Variants in PDZD2 observed in about 807,000 individuals in gnomAD.
PDZD2 encodes the protein PDZ domain containing 2, also known as PDZ domain-containing protein 2.
Under a neutral mutation model 220.7 loss-of-function variants are expected in PDZD2, and 90 were observed. The ratio of observed to expected loss-of-function variants is 0.41; its 90% CI spans 0.34 to 0.49. The LOEUF is 0.49. Ranked by LOEUF, PDZD2 falls within the 20% of genes least tolerant of loss-of-function variation. The pLI is 0.28. For synonymous variants in PDZD2, 1,375 were observed against 1,450.5 expected (o/e 0.95, Z 1.18); for missense variants, 3,174 against 3,608.5 (o/e 0.88, Z 3.08).
intron 20 of PDZD2, among the ~76,000 whole-genome samples, chr5:32,091,378 G>A (rs1743146880): frequency 2.1e-5 from 3 of 146,178 alleles, no homozygotes; most frequent in East Asian, 2.0e-4. Context: ...TCTGCCTCCC[G>A]GGTTCAAGCG....
At chr5:31,988,788 G>A (rs1311022253) in intron 3 of PDZD2, among the ~76,000 whole-genome samples, 1 of 152,130 alleles carries the variant, frequency 6.6e-6, no homozygotes, top group Non-Finnish European at 1.5e-5. Flanking sequence ...GAGCCTTTGC[G>A]AGTGCTCCGC....
At chr5:31,902,429 G>A (rs896912401) in intron 2 of PDZD2, among the ~76,000 whole-genome samples, 1 of 150,456 alleles carries the variant, frequency 6.6e-6, no homozygotes. Context: ...CTGTTACTCA[G>A]TTGGATTGTC....
chr5:31,725,233 G>A (rs1749050813), intron 1 of PDZD2, among the ~76,000 whole-genome samples: 1 of 151,600 alleles, frequency 6.6e-6, no homozygotes, highest in Admixed American at 6.6e-5. Flanking sequence ...AGCTACTTGG[G>A]AGGCTGAGGC....
rs758012263 is a variant in PDZD2, at chr5:32,108,161, T to C, written c.*26T>C. Reference sequence around the variant, plus strand: ...ATTTTAACAAGAATCATTTTCTCAGTTCTCTTCTTTCTTTAGCAAATCAGA... The same window carrying C: ...ATTTTAACAAGAATCATTTTCTCAGCTCTCTTCTTTCTTTAGCAAATCAGA... On this transcript the variant is annotated 3_prime_UTR_variant, in exon 25 of 25. Transcript: ENST00000438447. 1.4e-5 allele frequency: 22 copies of C among 1,518,630 alleles called. No individual in the cohort carries two copies. The highest frequency in any genetic ancestry group is 1.9e-5 in the Non-Finnish European group (21 of 1,105,720). The allele number at this position is 1,518,630 out of a possible 1,614,324, so 94.1% of individuals were successfully genotyped here. A position where few individuals can be genotyped will look rare whatever the true frequency, so the allele number is the denominator to read the frequency against.
intron 2 of PDZD2, among the ~76,000 whole-genome samples, chr5:31,827,366 G>A (rs1010648352): frequency 2.0e-5 from 3 of 152,088 alleles, no homozygotes; most frequent in Admixed American, 1.3e-4. Context: ...ACGATATGAA[G>A]GAATTTTTAA....
intron 8 of PDZD2, 125 bp downstream of exon 8, chr5:32,048,809 A>G (rs1738233336): frequency 1.1e-6 from 1 of 915,718 alleles, no homozygotes; most frequent in East Asian, 2.4e-5. Flanking sequence ...ACAGCAGGCA[A>G]AGTGAGGTCT....
chr5:31,959,799 T>G (rs1012810666), intron 2 of PDZD2, among the ~76,000 whole-genome samples: 21 of 152,210 alleles, frequency 1.4e-4, no homozygotes, highest in Non-Finnish European at 5.9e-5. Context: ...TCTAGAGACT[T>G]GAAGTCTGAA....
At chr5:31,693,157 G>A (rs1460019824) in intron 1 of PDZD2, among the ~76,000 whole-genome samples, 1 of 150,734 alleles carries the variant, frequency 6.6e-6, no homozygotes, top group East Asian at 2.0e-4. Flanking sequence ...AGCTAAGAGT[G>A]GTGAAGAGTC....
chr5:31,885,341 T>G (rs1740362739), intron 2 of PDZD2, among the ~76,000 whole-genome samples: 1 of 151,992 alleles, frequency 6.6e-6, no homozygotes, highest in Non-Finnish European at 1.5e-5. Context: ...AGGGTAGAGT[T>G]CGGGTCTTTG....
At chr5:31,714,108 C>A (rs1282360894) in intron 1 of PDZD2, among the ~76,000 whole-genome samples, 2 of 152,176 alleles carry the variant, frequency 1.3e-5, no homozygotes, top group African/African-American at 2.4e-5. Flanking sequence ...AAGATTTGAA[C>A]CTATTGAATT....
chr5:31,933,274 A>G (rs561825769), intron 2 of PDZD2, among the ~76,000 whole-genome samples: 10 of 152,194 alleles, frequency 6.6e-5, no homozygotes, highest in South Asian at 2.1e-4. Flanking sequence ...CTTCCTTTTT[A>G]CGGCTGAATA....
chr5:31,834,135 C>CA (rs1286149125), intron 2 of PDZD2, among the ~76,000 whole-genome samples: 2 of 152,152 alleles, frequency 1.3e-5, no homozygotes, highest in Admixed American at 6.5e-5. Flanking sequence ...GGAAGCTAAG[C>CA]CAGGTTTTGT....
At position 32,000,240 on chromosome 5, in the gene PDZD2, C is replaced by G; in HGVS notation, c.1223C>G (p.Thr408Arg). The change falls in exon 5 of 25, where the codon ACG becomes AGG. Residue 408 changes from threonine (T) to arginine (R), a missense_variant. Physicochemically the swap from Thr to Arg is moderately conservative, Grantham distance 71 (BLOSUM62 -1). Around this residue, in one of 4 missense-constraint regions of PDZD2, gnomAD observed 632 missense variants for 708.1 expected, o/e 0.89. Transcript: ENST00000438447. The surrounding 1 kb of genome is among the most constrained non-coding windows in gnomAD (Gnocchi z 4.5). ...EEAVAILRSA[T>R]GMVQLVVASK... ...GCAGTGGCCATTCTTCGCTCCGCCA[C>G]GGGAATGGTGCAGCTTGTGGTGGCC... 2 of 1,614,122 alleles carry G rather than the reference C, an allele frequency of 1.2e-6. No homozygotes were observed. Among genetic ancestry groups the G allele is most frequent in the Non-Finnish European group, 8.5e-7 (1 of 1,180,004 alleles).
At chr5:32,019,908 G>A (rs969949773) in intron 6 of PDZD2, among the ~76,000 whole-genome samples, 1 of 152,026 alleles carries the variant, frequency 6.6e-6, no homozygotes, top group Admixed American at 6.6e-5. Context: ...AGTGTTCCAA[G>A]AAGGCTTCTC....
At chr5:31,818,169 G>T (rs1308773825) in intron 2 of PDZD2, among the ~76,000 whole-genome samples, 1 of 151,606 alleles carries the variant, frequency 6.6e-6, no homozygotes, top group Non-Finnish European at 1.5e-5. Context: ...ATGGGGTTTC[G>T]CTATGTTACC....
chr5:31,912,594 G>A (rs547259281), intron 2 of PDZD2, among the ~76,000 whole-genome samples: 89 of 152,232 alleles, frequency 5.8e-4, no homozygotes, highest in Non-Finnish European at 1.0e-3. Context: ...ACCAAACCCC[G>A]CAATTGACAC....
intron 1 of PDZD2, among the ~76,000 whole-genome samples, chr5:31,717,391 A>G (rs1382158522): frequency 1.3e-5 from 2 of 152,210 alleles, no homozygotes; most frequent in Non-Finnish European, 2.9e-5. Context: ...ACATATATTT[A>G]TTATAACACA....
At chr5:31,963,531 T>G (rs1329376867) in intron 2 of PDZD2, among the ~76,000 whole-genome samples, 3 of 152,200 alleles carry the variant, frequency 2.0e-5, no homozygotes, top group African/African-American at 4.8e-5. Flanking sequence ...CAGCCTAGCC[T>G]GCATGTTTTA....
At chr5:31,863,588 A>T (rs1258991825) in intron 2 of PDZD2, among the ~76,000 whole-genome samples, 2 of 152,224 alleles carry the variant, frequency 1.3e-5, no homozygotes, top group African/African-American at 4.8e-5. Flanking sequence ...ATTAGGGTGC[A>T]AAGTTTGGAG....
Sources: allele counts gnomAD v4.1 joint callset (sites outside exome capture counted in the v4.1 genomes callset), GRCh38; gene constraint gnomAD v4.1.1; regional missense constraint gnomAD v4.1.1; non-coding constraint Gnocchi (gnomAD v3.1); transcripts MANE v1.5; gene names NCBI Gene and HGNC (gene_info 2026-07-23, HGNC 2026-07-21).